Variants in TRMT44 observed in about 807,000 individuals in gnomAD.
TRMT44 encodes the protein probable tRNA (uracil-O(2)-)-methyltransferase.
TRMT44 carries 78 observed loss-of-function variants against 77.3 expected under a neutral mutation model. The observed-to-expected ratio is 1.01, with a 90% confidence interval of 0.84 to 1.22. The LOEUF (loss-of-function observed/expected upper bound fraction) is 1.22, where lower values mean the gene tolerates loss of function less well. Ranked by LOEUF, TRMT44 falls within the 50% of genes most tolerant of loss-of-function variation. The pLI is 0.00. For missense variants in TRMT44, 1,090 were observed against 964.4 expected (o/e 1.13, Z -1.73); for synonymous variants, 391 against 383.3 (o/e 1.02, Z -0.23).
rs1286258930 is a variant in TRMT44 at position 8,444,322 on chromosome 4, CA to C, written c.620-2146del. Among the ~76,000 whole-genome samples the C allele has an allele frequency of 6.8e-6, 1 of 146,280 alleles. No individual in the cohort carries two copies. ...GGAGAGGTGGGATGGTTAAAGTGTA[CA>C]AAAAAAATAGAATATGAATAACACC... On this transcript the variant is annotated intron_variant, in intron 1 of 10. Coordinates refer to ENST00000389737, the MANE Select transcript of TRMT44 (RefSeq NM_152544.3). The surrounding 1 kb of genome is among the most constrained non-coding windows in gnomAD (Gnocchi z 4.0).
At chr4:8,488,831 C>T (rs1727902659) in intron 2 of TRMT44, among the ~76,000 whole-genome samples, 1 of 152,204 alleles carries the variant, frequency 6.6e-6, no homozygotes, top group African/African-American at 2.4e-5. Flanking sequence ...CCTCCTCAGC[C>T]AGGAGGACTT....
chr4:8,502,863 G>A, the TRMT44 span, among the ~76,000 whole-genome samples: 7 of 152,252 alleles, frequency 4.6e-5, no homozygotes, highest in African/African-American at 1.7e-4. Flanking sequence ...GCCAGGAGGT[G>A]GGGAACATGG....
chr4:8,468,691 C>T (rs957886541), intron 9 of TRMT44: 1 of 485,606 alleles, frequency 2.1e-6, no homozygotes, highest in Non-Finnish European at 3.6e-6. Context: ...TGCACTGTCC[C>T]CTTGAGTATG....
Position 8,475,756 on chromosome 4 carries a change from C to G in TRMT44, c.2045-16C>G, listed in dbSNP as rs1579088611. ...AGGTTTACTTCTCAGTGTGTCTTCT[C>G]TGTTCCAAACCACAGTTGTGAATGG... On this transcript the variant is annotated splice_polypyrimidine_tract_variant and intron_variant, in intron 10 of 10. Coordinates refer to ENST00000389737, the MANE Select transcript of TRMT44 (RefSeq NM_152544.3). 4 of 1,612,894 alleles carry G rather than the reference C, an allele frequency of 2.5e-6. No homozygotes were observed. Among genetic ancestry groups the G allele is most frequent in the African/African-American group, 2.7e-5 (2 of 74,922 alleles).
Position 8,475,970 on chromosome 4 carries a change from C to T in TRMT44, c.2243C>T (p.Pro748Leu). The change falls in exon 11 of 11, where the codon CCC becomes CTC. Residue 748 changes from proline to leucine, a missense_variant. Physicochemically the swap from Pro to Leu is moderately conservative, Grantham distance 98 (BLOSUM62 -3). Coordinates refer to ENST00000389737, the MANE Select transcript of TRMT44 (RefSeq NM_152544.3). ...CATGGGCCTGCGGAGCTGCGGCCAC[C>T]CCGGACCACCCCGAGGAAGAAGATT... ...FAHGPAELRP[P>L]RTTPRKKIS is the part of the protein sequence containing the mutation. 2 of 1,614,052 alleles carry T rather than the reference C, an allele frequency of 1.2e-6. No homozygotes were observed. Among genetic ancestry groups the T allele is most frequent in the South Asian group, 1.1e-5 (1 of 91,074 alleles).
the TRMT44 span, among the ~76,000 whole-genome samples, chr4:8,501,112 C>T: frequency 4.6e-5 from 7 of 152,188 alleles, no homozygotes; most frequent in African/African-American, 9.7e-5. This position sits in a 1 kb window ranked among gnomAD's most constrained non-coding sequence, Gnocchi z 4.4. Flanking sequence ...GGCAGGTGGT[C>T]GTGCCACTGC....
chr4:8,471,306 CAG>C (rs1342522629), intron 10 of TRMT44, 106 bp downstream of exon 10: 5 of 814,034 alleles, frequency 6.1e-6, no homozygotes, highest in East Asian at 3.0e-5. Context: ...AAGAATCTGA[CAG>C]AAGCAGCAAG....
chr4:8,507,764 T>C, the TRMT44 span, among the ~76,000 whole-genome samples: 2 of 152,264 alleles, frequency 1.3e-5, no homozygotes, highest in Middle Eastern at 6.8e-3. Flanking sequence ...AGACACAGCG[T>C]GTTCCGGCCC....
Position 8,444,303 on chromosome 4 carries a change from G to A in TRMT44, c.620-2173G>A, listed in dbSNP as rs923456757. 1.3e-5 allele frequency among the ~76,000 whole-genome samples: 2 copies of A among 151,886 alleles called. No individual in the cohort carries two copies. Among genetic ancestry groups the A allele is most frequent in the Admixed American group, 1.3e-4 (2 of 15,244 alleles). On this transcript the variant is annotated intron_variant, in intron 1 of 10. Coordinates refer to ENST00000389737, the MANE Select transcript of TRMT44 (RefSeq NM_152544.3). The surrounding 1 kb of genome is among the most constrained non-coding windows in gnomAD (Gnocchi z 4.0). Reference sequence around the variant, plus strand: ...AGGGGAGTGGAGGGTTGGGGGAGAGGTGGGATGGTTAAAGTGTACAAAAAA... The same window carrying A: ...AGGGGAGTGGAGGGTTGGGGGAGAGATGGGATGGTTAAAGTGTACAAAAAA...
intron 6 of TRMT44, among the ~76,000 whole-genome samples, chr4:8,457,026 C>A (rs1039628118): frequency 7.3e-6 from 1 of 136,948 alleles, no homozygotes; most frequent in African/African-American, 3.0e-5. Context: ...CGCCCCCCCC[C>A]CCCAACTATC....
At chr4:8,458,464 C>CTTTTTTTTTT (rs56203512) in intron 6 of TRMT44, among the ~76,000 whole-genome samples, 2 of 130,308 alleles carry the variant, frequency 1.5e-5, no homozygotes, top group Admixed American at 8.0e-5. Context: ...CTTTTCTTTT[C>CTTTTTTTTTT]TTTTTTTTTT....
intron 6 of TRMT44, among the ~76,000 whole-genome samples, chr4:8,460,595 G>T (rs1201003205): frequency 2.0e-5 from 3 of 151,270 alleles, no homozygotes; most frequent in African/African-American, 7.3e-5. Flanking sequence ...CTATCACCCA[G>T]GCTGGAGTGG....
intron 9 of TRMT44, 192 bp downstream of exon 9, chr4:8,468,538 A>C: frequency 1.6e-6 from 1 of 616,310 alleles, no homozygotes; most frequent in Non-Finnish European, 2.8e-6. Context: ...TATAAACATA[A>C]AGGACTTTGT....
chr4:8,490,971 C>G (rs1727983447), intron 2 of TRMT44, among the ~76,000 whole-genome samples: 1 of 152,158 alleles, frequency 6.6e-6, no homozygotes, highest in Admixed American at 6.5e-5. Context: ...ACCAGAGCAG[C>G]TAGATAGAGA....
intron 5 of TRMT44, chr4:8,454,516 G>A: frequency 1.7e-6 from 1 of 590,982 alleles, no homozygotes; most frequent in Non-Finnish European, 3.0e-6. Context: ...CTGGGCTGCA[G>A]GTTCCAGCTG....
intron 2 of TRMT44, 122 bp from the exon 3 acceptor site, chr4:8,449,547 T>G: frequency 1.3e-6 from 1 of 746,230 alleles, no homozygotes; most frequent in African/African-American, 1.8e-5. Context: ...TCTAGTTCGT[T>G]TTATGTTTTT....
At chr4:8,449,949 C>CTTTTCTTTT (rs761311536) in intron 3 of TRMT44, 61 bp downstream of exon 3, 40 of 239,092 alleles carry the variant, frequency 1.7e-4, no homozygotes, top group South Asian at 4.2e-4. Flanking sequence ...CTTTTCTTTT[C>CTTTTCTTTT]TTTTTTTTTT....
rs180702839 is a variant in TRMT44, at chr4:8,485,692, G to A, written n.3891+6159G>A. ...TTGGGGAGAAGGGCGGCAATGAGAT[G>A]TGGCTGTAGTCCAGGAATAGTCAGG... On this transcript the variant is annotated intron_variant and non_coding_transcript_variant, in intron 2 of 2. Coordinates refer to the TRMT44 transcript ENST00000511366. 8.7e-3 allele frequency among the ~76,000 whole-genome samples: 1,332 copies of A among 152,252 alleles called. 7 individuals are homozygous for A. The highest frequency in any genetic ancestry group is 0.027 in the Middle Eastern group (8 of 294).
At chr4:8,448,583 G>T (rs1419442019) in intron 2 of TRMT44, among the ~76,000 whole-genome samples, 4 of 152,236 alleles carry the variant, frequency 2.6e-5, no homozygotes, top group African/African-American at 9.6e-5. Flanking sequence ...TCTGCAGCGC[G>T]CAGGGGCCAC....
Sources: gnomAD v4.1 joint callset for allele counts (sites outside exome capture counted in the v4.1 genomes callset) on GRCh38, gnomAD v4.1.1 for gene constraint, Gnocchi (gnomAD v3.1) non-coding constraint, MANE v1.5 for transcripts, NCBI Gene and HGNC (gene_info 2026-07-23, HGNC 2026-07-21) for gene names.